USP37: variants seen among roughly 807,000 people sequenced by gnomAD.
The protein encoded by USP37 is ubiquitin specific peptidase 37.
A neutral mutation model predicts 124.0 loss-of-function variants in USP37; 27 were observed. That is an observed-to-expected ratio of 0.22 (90% CI 0.16 to 0.30). The LOEUF is 0.30. Ranked by LOEUF, USP37 falls within the 10% of genes least tolerant of loss-of-function variation. The pLI, the probability that USP37 is intolerant of heterozygous loss-of-function variation, is 1.00. For synonymous variants in USP37, 365 were observed against 388.0 expected (o/e 0.94, Z 0.70); for missense variants, 889 against 1,140.4 (o/e 0.78, Z 3.17).
chr2:218,510,384 G>A lies in USP37; in HGVS notation c.864-244C>T, dbSNP rs1689909144. Among the ~76,000 whole-genome samples, 7 of 151,970 alleles carry A rather than the reference G, an allele frequency of 4.6e-5. No individual in the cohort carries two copies. In the South Asian group the frequency reaches 1.5e-3, roughly 32 times the overall value. On this transcript the variant is annotated intron_variant, in intron 10 of 25. Coordinates refer to ENST00000258399, the MANE Select transcript of USP37 (RefSeq NM_020935.3). ...ACAACCAAAATAATCCATGTTAATG[G>A]CTTGAAAAAGAAAACAATACATATA...
At chr2:218,493,100 G>T (rs1268269796) in intron 14 of USP37, among the ~76,000 whole-genome samples, 1 of 151,960 alleles carries the variant, frequency 6.6e-6, no homozygotes, top group Non-Finnish European at 1.5e-5. Context: ...AGTTTAAACT[G>T]TAATGGTTTT....
intron 10 of USP37, among the ~76,000 whole-genome samples, chr2:218,526,240 AT>A (rs879437547): frequency 9.4e-5 from 14 of 149,020 alleles, no homozygotes; most frequent in Admixed American, 2.7e-4. Context: ...TTATTTATTT[AT>A]TTTTTTTTTT....
At chr2:218,463,023 C>A (rs1412870938) in intron 22 of USP37, among the ~76,000 whole-genome samples, 1 of 151,982 alleles carries the variant, frequency 6.6e-6, no homozygotes, top group Non-Finnish European at 1.5e-5. Context: ...CAAAAATTAG[C>A]TGGGTGTGGT....
rs755943086 is a variant in USP37 at position 218,459,782 on chromosome 2, A to G, written c.2643+8T>C. The G allele has an allele frequency of 1.2e-6, 2 of 1,609,926 alleles. No homozygotes were observed. Among genetic ancestry groups the G allele is most frequent in the East Asian group, 4.5e-5 (2 of 44,814 alleles). ...TGACCAACTGTACTCAGGAATGAAAACAATTACCTCAGCATTTCTTTTCAG... is the reference window on the plus strand; with the variant it reads ...TGACCAACTGTACTCAGGAATGAAAGCAATTACCTCAGCATTTCTTTTCAG... On this transcript the variant is annotated splice_region_variant and intron_variant, in intron 23 of 25. Transcript: ENST00000258399.
At chr2:218,497,704 C>T in intron 13 of USP37, 30 bp downstream of exon 13, 1 of 1,612,130 alleles carries the variant, frequency 6.2e-7, no homozygotes, top group East Asian at 2.2e-5. Flanking sequence ...TGTCAGGCCT[C>T]TGAAACGTTT....
intron 8 of USP37, among the ~76,000 whole-genome samples, chr2:218,539,660 A>G (rs1273494120): frequency 6.6e-6 from 1 of 151,972 alleles, no homozygotes; most frequent in African/African-American, 2.4e-5. Context: ...GGTTGCAGTG[A>G]GCTGAGATTG....
intron 8 of USP37, among the ~76,000 whole-genome samples, chr2:218,536,182 C>T (rs1296804550): frequency 1.3e-5 from 2 of 151,886 alleles, no homozygotes; most frequent in African/African-American, 4.8e-5. Flanking sequence ...TTTTAAAAGC[C>T]CTTTTCTCCC....
intron 11 of USP37, among the ~76,000 whole-genome samples, chr2:218,504,767 T>C (rs1441715559): frequency 6.6e-6 from 1 of 152,102 alleles, no homozygotes; most frequent in Non-Finnish European, 1.5e-5. Flanking sequence ...TTTTTATTTT[T>C]GTAGAGACAG....
At chr2:218,471,775 T>C (rs1574849785) in intron 20 of USP37, among the ~76,000 whole-genome samples, 1 of 152,028 alleles carries the variant, frequency 6.6e-6, no homozygotes, top group Admixed American at 6.6e-5. Flanking sequence ...CCTGTAATCC[T>C]AGCACTTTGG....
intron 11 of USP37, among the ~76,000 whole-genome samples, chr2:218,508,987 A>C (rs1689834231): frequency 1.3e-5 from 2 of 152,234 alleles, no homozygotes; most frequent in African/African-American, 4.8e-5. Flanking sequence ...TAAAAATTTC[A>C]AACTGTCTTC....
At chr2:218,498,900 G>A (rs755461258) in intron 11 of USP37, among the ~76,000 whole-genome samples, 14 of 152,048 alleles carry the variant, frequency 9.2e-5, no homozygotes, top group Non-Finnish European at 1.5e-5. Flanking sequence ...GAAAATGAAT[G>A]CTCAGAAAAG....
intron 4 of USP37, among the ~76,000 whole-genome samples, chr2:218,557,349 T>G (rs1693046783): frequency 6.6e-6 from 1 of 151,920 alleles, no homozygotes; most frequent in African/African-American, 2.4e-5. Context: ...GGGCTGAGGA[T>G]TGAAAAAAAA....
At chr2:218,522,855 G>A (rs191397998) in intron 10 of USP37, among the ~76,000 whole-genome samples, 3 of 152,152 alleles carry the variant, frequency 2.0e-5, no homozygotes, top group Non-Finnish European at 4.4e-5. Context: ...AAGAGTTTCA[G>A]GGCCGGATGC....
intron 14 of USP37, among the ~76,000 whole-genome samples, chr2:218,491,319 C>T (rs1459646776): frequency 1.3e-5 from 2 of 152,172 alleles, no homozygotes; most frequent in African/African-American, 4.8e-5. Flanking sequence ...GATCTATAGG[C>T]AGCCTTTAGG....
chr2:218,486,811 C>T (rs1166404173), intron 15 of USP37, among the ~76,000 whole-genome samples: 1 of 152,024 alleles, frequency 6.6e-6, no homozygotes, highest in African/African-American at 2.4e-5. Context: ...CTTCAAGCTC[C>T]ACCTCCCAGG....
Position 218,546,146 on chromosome 2 carries a change from A to G in USP37, c.680+75T>C, listed in dbSNP as rs554093510. The G allele has an allele frequency of 5.7e-6, 7 of 1,226,298 alleles. No homozygotes were observed. The African/African-American group carries it at 6.1e-5, about 11-fold the overall frequency. 76.0% of individuals were successfully genotyped at this position (1,226,298 alleles called of 1,614,324 possible). ...CTCATAAATTAAAACCATTTCCCCA[A>G]TCTTCCCCAGTGGTTACAAATACCA... is the stretch of plus-strand genomic sequence containing the variant. On this transcript the variant is annotated intron_variant, in intron 8 of 25. Transcript: ENST00000258399.
At chr2:218,492,349 T>C (rs1688829050) in intron 14 of USP37, among the ~76,000 whole-genome samples, 1 of 152,126 alleles carries the variant, frequency 6.6e-6, no homozygotes, top group Non-Finnish European at 1.5e-5. Context: ...TTCGTTAAAA[T>C]AGAATGAGCA....
At chr2:218,488,855 G>A (rs931892958) in intron 14 of USP37, among the ~76,000 whole-genome samples, 3 of 151,598 alleles carry the variant, frequency 2.0e-5, no homozygotes, top group African/African-American at 7.3e-5. Context: ...GGCTGGTCTC[G>A]AACTCCCGAT....
chr2:218,535,408 G>T (rs1237812174), intron 8 of USP37, among the ~76,000 whole-genome samples: 1 of 151,008 alleles, frequency 6.6e-6, no homozygotes. Flanking sequence ...GCAGTTTATA[G>T]GTTTACAAAG....
Sources: allele counts gnomAD v4.1 joint callset (sites outside exome capture counted in the v4.1 genomes callset), GRCh38; gene constraint gnomAD v4.1.1; transcripts MANE v1.5; gene names NCBI Gene and HGNC (gene_info 2026-07-23, HGNC 2026-07-21).